BRAF: variants seen among roughly 807,000 people sequenced by gnomAD.
The protein encoded by BRAF is serine/threonine-protein kinase B-raf.
A neutral mutation model predicts 104.6 loss-of-function variants in BRAF; 16 were observed. That is an observed-to-expected ratio of 0.15 (90% CI 0.10 to 0.23). The LOEUF (loss-of-function observed/expected upper bound fraction) is 0.23, where lower values mean the gene tolerates loss of function less well. Ranked by LOEUF, BRAF falls within the 10% of genes least tolerant of loss-of-function variation. The pLI, the probability that BRAF is intolerant of heterozygous loss-of-function variation, is 1.00. For missense variants in BRAF, 541 were observed against 937.3 expected (o/e 0.58, Z 5.52); for synonymous variants, 310 against 341.6 (o/e 0.91, Z 1.02).
intron 1 of BRAF, among the ~76,000 whole-genome samples, chr7:140,891,882 C>T (rs1814263015): frequency 6.6e-6 from 1 of 152,172 alleles, no homozygotes; most frequent in African/African-American, 2.4e-5. Flanking sequence ...CAGCATTTCC[C>T]TAAAATGTTT....
At chr7:140,843,231 G>A (rs542395088) in intron 2 of BRAF, among the ~76,000 whole-genome samples, 2 of 152,276 alleles carry the variant, frequency 1.3e-5, no homozygotes, top group African/African-American at 4.8e-5. Flanking sequence ...TTTTGAGAAA[G>A]ATTTTCTTCC....
intron 1 of BRAF, among the ~76,000 whole-genome samples, chr7:140,919,433 T>C (rs961141525): frequency 6.6e-6 from 1 of 152,044 alleles, no homozygotes; most frequent in Non-Finnish European, 1.5e-5. Flanking sequence ...ATATGCATAG[T>C]CTTGATACAG....
rs397507458 is a variant in BRAF at position 140,924,603 on chromosome 7, G to GCGGCGCCGGCGC, written c.89_100dup (p.Gly30_Ala33dup). 1 of 1,528,990 alleles carries GCGGCGCCGGCGC rather than the reference G, an allele frequency of 6.5e-7. No individual in the cohort carries two copies. Among genetic ancestry groups the GCGGCGCCGGCGC allele is most frequent in the Non-Finnish European group, 8.7e-7 (1 of 1,144,228 alleles). 94.7% of individuals were successfully genotyped at this position (1,528,990 alleles called of 1,614,324 possible). On this transcript the variant is annotated inframe_insertion, in exon 1 of 20. Transcript: ENST00000644969. The surrounding 1 kb of genome is among the most constrained non-coding windows in gnomAD (Gnocchi z 4.2). ...GGCAGGGTCCGCAGCCGAAGAGGCC[G>GCGGCGCCGGCGC]CGGCGCCGGCGCCGGCGCCGGCCTC...
At chr7:140,890,681 C>A (rs748286409) in intron 1 of BRAF, among the ~76,000 whole-genome samples, 3 of 152,184 alleles carry the variant, frequency 2.0e-5, no homozygotes, top group Non-Finnish European at 4.4e-5. Flanking sequence ...CAAGGCCTCA[C>A]CCTCAAAAAC....
In BRAF at chr7:140,725,161, T is replaced by A; in HGVS notation, c.*1333A>T. Reference sequence around the variant, plus strand: ...GAATGAATGGAGACGCCACCATTTTTATTTTAGGTTGCATATTCTAGATAA... The same window carrying A: ...GAATGAATGGAGACGCCACCATTTTAATTTTAGGTTGCATATTCTAGATAA... On this transcript the variant is annotated 3_prime_UTR_variant, in exon 20 of 20. Coordinates refer to ENST00000644969, the MANE Select transcript of BRAF (RefSeq NM_001374258.1). 2 of 1,042,542 alleles carry A rather than the reference T, an allele frequency of 1.9e-6. No individual in the cohort carries two copies. The highest frequency in any genetic ancestry group is 2.3e-6 in the Non-Finnish European group (2 of 864,856). 64.6% of individuals were successfully genotyped at this position (1,042,542 alleles called of 1,614,324 possible).
chr7:140,806,376 T>C (rs1419615041), intron 5 of BRAF, among the ~76,000 whole-genome samples: 2 of 152,224 alleles, frequency 1.3e-5, no homozygotes, highest in Non-Finnish European at 2.9e-5. Context: ...CACTGTCTTA[T>C]TCATTTGTCA....
intron 1 of BRAF, among the ~76,000 whole-genome samples, chr7:140,855,869 A>G (rs1809722814): frequency 1.3e-5 from 2 of 151,172 alleles, no homozygotes; most frequent in African/African-American, 4.9e-5. Flanking sequence ...AAAGTACAAA[A>G]ATTAGCTAGG....
chr7:140,809,055 C>A, intron 3 of BRAF, 60 bp from the exon 4 acceptor site: 3 of 1,388,792 alleles, frequency 2.2e-6, no homozygotes, highest in Non-Finnish European at 3.1e-6. Context: ...TTTTTCATAT[C>A]ATTAAAAAAA....
chr7:140,885,128 C>T (rs183082439), intron 1 of BRAF, among the ~76,000 whole-genome samples: 7 of 152,146 alleles, frequency 4.6e-5, no homozygotes, highest in African/African-American at 1.2e-4. Flanking sequence ...CTCAGCCTTC[C>T]GATTACAGGG....
At chr7:140,728,395 A>AG (rs1795733573) in intron 19 of BRAF, among the ~76,000 whole-genome samples, 2 of 152,152 alleles carry the variant, frequency 1.3e-5, no homozygotes, top group Non-Finnish European at 2.9e-5. Flanking sequence ...TACAACTACT[A>AG]ATGAACTGCA....
chr7:140,801,661 A>G, intron 5 of BRAF, 101 bp from the exon 6 acceptor site: 3 of 1,288,998 alleles, frequency 2.3e-6, no homozygotes, highest in Non-Finnish European at 3.3e-6. Context: ...GTTGTAATAT[A>G]TTTATATCAT....
chr7:140,836,911 C>G (rs1361186297), intron 2 of BRAF, among the ~76,000 whole-genome samples: 1 of 152,144 alleles, frequency 6.6e-6, no homozygotes, highest in Non-Finnish European at 1.5e-5. Flanking sequence ...AGTTACTAGA[C>G]AAAATAAACC....
chr7:140,836,751 T>G (rs1446583827), intron 2 of BRAF, among the ~76,000 whole-genome samples: 2 of 152,212 alleles, frequency 1.3e-5, no homozygotes, highest in Non-Finnish European at 2.9e-5. Flanking sequence ...TACTGATACA[T>G]GTGCTTGGCA....
chr7:140,718,016 G>C (rs999535042), downstream of BRAF, among the ~76,000 whole-genome samples: 6 of 152,170 alleles, frequency 3.9e-5, no homozygotes, highest in African/African-American at 1.4e-4. Flanking sequence ...GGGAGGAGGG[G>C]TGAAACCAGA....
At position 140,724,963 on chromosome 7, in the gene BRAF, G is replaced by C. The variant is rs1348817324; in HGVS notation, c.*1531C>G. Reference sequence around the variant, plus strand: ...ATATTTTCCATTTGTGCAAAGATAAGATTTAGGTTCTTAATGAATGCCAGT... The same window carrying C: ...ATATTTTCCATTTGTGCAAAGATAACATTTAGGTTCTTAATGAATGCCAGT... On this transcript the variant is annotated 3_prime_UTR_variant, in exon 20 of 20. Transcript: ENST00000644969. 15 of 1,043,476 alleles carry C rather than the reference G, an allele frequency of 1.4e-5. No homozygotes were observed. Among genetic ancestry groups the C allele is most frequent in the East Asian group, 5.7e-5 (1 of 17,488 alleles). 64.6% of individuals were successfully genotyped at this position (1,043,476 alleles called of 1,614,324 possible). A position where few individuals can be genotyped will look rare whatever the true frequency, so the allele number is the denominator to read the frequency against.
At chr7:140,763,271 T>G (rs1389609187) in intron 14 of BRAF, among the ~76,000 whole-genome samples, 1 of 147,100 alleles carries the variant, frequency 6.8e-6, no homozygotes, top group Non-Finnish European at 1.5e-5. Context: ...ACGGGGTGGC[T>G]GGCCGGGCGG....
intron 1 of BRAF, among the ~76,000 whole-genome samples, chr7:140,872,704 A>T (rs1236797282): frequency 6.6e-6 from 1 of 152,078 alleles, no homozygotes; most frequent in African/African-American, 2.4e-5. Flanking sequence ...AAAATAAAAA[A>T]AAATAAAAAT....
rs11360482 is a variant in BRAF at position 140,739,519 on chromosome 7, TG to T, written c.2247+292del. 0.34 allele frequency among the ~76,000 whole-genome samples: 45,196 copies of T among 134,792 alleles called. 7,916 individuals are homozygous for T. Among genetic ancestry groups the T allele is most frequent in the South Asian group, 0.48 (1,959 of 4,092 alleles). The allele number at this position is 134,792 out of a possible 152,430, so 88.4% of individuals were successfully genotyped here. On this transcript the variant is annotated intron_variant, in intron 18 of 19. Transcript: ENST00000644969. ...AACTTATATAAACAAAAGCTCTTTG[TG>T]GGGGGGGGGGTCTTCGATAATTTTT...
chr7:140,734,820 A>AAAAAAAAAAAAAAAAAAAG, intron 18 of BRAF, 50 bp from the exon 18 acceptor site: 1 of 1,370,530 alleles, frequency 7.3e-7, no homozygotes, highest in Non-Finnish European at 9.5e-7. Flanking sequence ...AAAAGAAAAA[A>AAAAAAAAAAAAAAAAAAAG]AAAGAAAGAA....
Sources: allele counts gnomAD v4.1 joint callset (sites outside exome capture counted in the v4.1 genomes callset), GRCh38; gene constraint gnomAD v4.1.1; non-coding constraint Gnocchi (gnomAD v3.1); transcripts MANE v1.5; gene names NCBI Gene and HGNC (gene_info 2026-07-23, HGNC 2026-07-21).